Variants in MDGA2 observed in about 807,000 individuals in gnomAD.
MDGA2 encodes MAM domain-containing glycosylphosphatidylinositol anchor protein 2.
MDGA2 carries 40 observed loss-of-function variants against 117.8 expected under a neutral mutation model. The observed-to-expected ratio is 0.34, with a 90% CI of 0.26 to 0.44. MDGA2 has a LOEUF of 0.44. MDGA2 is among the 20% of genes least tolerant of loss of function. The pLI, the probability that MDGA2 is intolerant of heterozygous loss-of-function variation, is 1.00. For synonymous variants in MDGA2, 452 were observed against 439.0 expected (o/e 1.03, Z -0.37); for missense variants, 1,123 against 1,250.6 (o/e 0.90, Z 1.54).
At chr14:46,898,157 G>A (rs1262888740) in intron 10 of MDGA2, among the ~76,000 whole-genome samples, 2 of 152,014 alleles carry the variant, frequency 1.3e-5, no homozygotes, top group East Asian at 1.9e-4. Flanking sequence ...AATATATAAA[G>A]GGTCTGTATA....
At chr14:47,104,720 A>G (rs917761268) in intron 5 of MDGA2, among the ~76,000 whole-genome samples, 2 of 152,104 alleles carry the variant, frequency 1.3e-5, no homozygotes, top group Non-Finnish European at 1.5e-5. Flanking sequence ...CCCTTGGGAG[A>G]TCAATCCCCT....
In MDGA2 at chr14:47,370,643, T is replaced by A. The variant is rs145795236; in HGVS notation, c.281-69093A>T. On this transcript the variant is annotated intron_variant, in intron 1 of 16. Coordinates refer to ENST00000399232, the MANE Select transcript of MDGA2 (RefSeq NM_001113498.3). ...TATTGAAATAGTTTTGTTTATATTGTATATAATTCAAATTCATTAAACTTC... is the reference window on the plus strand; with the variant it reads ...TATTGAAATAGTTTTGTTTATATTGAATATAATTCAAATTCATTAAACTTC... Among the ~76,000 whole-genome samples, 6 of 151,382 alleles carry A rather than the reference T, an allele frequency of 4.0e-5. No homozygotes were observed. In the East Asian group the frequency reaches 1.2e-3, roughly 29 times the overall value.
intron 1 of MDGA2, among the ~76,000 whole-genome samples, chr14:47,365,848 G>A (rs755431841): frequency 3.9e-5 from 6 of 152,128 alleles, no homozygotes; most frequent in Non-Finnish European, 5.9e-5. Context: ...ATGGCAACAT[G>A]TCCTCATTTA....
At chr14:47,140,024 C>T (rs1882651746) in intron 4 of MDGA2, among the ~76,000 whole-genome samples, 1 of 151,368 alleles carries the variant, frequency 6.6e-6, no homozygotes, top group African/African-American at 2.4e-5. Flanking sequence ...GACATCATAT[C>T]AGCTTTTCAT....
Position 47,296,900 on chromosome 14 carries a change from C to G in MDGA2, c.420+4511G>C, listed in dbSNP as rs114742163. On this transcript the variant is annotated intron_variant, in intron 2 of 16. Transcript: ENST00000399232. The stretch of plus-strand genomic sequence containing the variant: ...AAACTCAGTGCACCCATACAAAGAA[C>G]TATTCAGCCTGAGTGAAGACAATGA... 1.0e-3 allele frequency among the ~76,000 whole-genome samples: 153 copies of G among 152,304 alleles called. 1 individual carries two copies. Among genetic ancestry groups the G allele is most frequent in the African/African-American group, 3.6e-3 (148 of 41,570 alleles).
intron 3 of MDGA2, among the ~76,000 whole-genome samples, chr14:47,154,420 G>A (rs1039805833): frequency 2.0e-5 from 3 of 152,124 alleles, no homozygotes; most frequent in African/African-American, 7.2e-5. Flanking sequence ...CTTCCAAGTT[G>A]GTGGGGTGGG....
Position 47,530,889 on chromosome 14 carries a change from T to G in MDGA2, c.280+143628A>C, listed in dbSNP as rs117025978. Among the ~76,000 whole-genome samples, 77 of 152,312 alleles carry G rather than the reference T, an allele frequency of 5.1e-4. No homozygotes were observed. The East Asian group carries it at 0.011, about 22-fold the overall frequency. On this transcript the variant is annotated intron_variant, in intron 1 of 16. Transcript: ENST00000399232. ...TTTCTAGTGTTCACCTTACCTAAAT[T>G]ATAAGTAAATTAAGTTCATGTAATC... is the stretch of plus-strand genomic sequence containing the variant.
chr14:47,498,082 A>G (rs1242831994), intron 1 of MDGA2, among the ~76,000 whole-genome samples: 1 of 152,162 alleles, frequency 6.6e-6, no homozygotes, highest in Non-Finnish European at 1.5e-5. Flanking sequence ...TATTTTGGGT[A>G]CTTTTTCTGA....
At chr14:47,180,721 G>C (rs1385722209) in intron 3 of MDGA2, among the ~76,000 whole-genome samples, 1 of 152,014 alleles carries the variant, frequency 6.6e-6, no homozygotes, top group Non-Finnish European at 1.5e-5. Flanking sequence ...AAGAATTCGA[G>C]ACCACCCTGG....
intron 10 of MDGA2, among the ~76,000 whole-genome samples, chr14:46,918,897 G>C (rs1322900401): frequency 6.6e-6 from 1 of 151,806 alleles, no homozygotes; most frequent in Non-Finnish European, 1.5e-5. Context: ...GAGTAGCTGG[G>C]ACTACAGGCG....
intron 5 of MDGA2, among the ~76,000 whole-genome samples, chr14:47,107,548 C>T (rs1441398828): frequency 6.6e-6 from 1 of 151,972 alleles, no homozygotes; most frequent in Admixed American, 6.6e-5. Flanking sequence ...TGTACTGCCG[C>T]AAAGCTTCAC....
At chr14:47,380,001 A>G (rs561618482) in intron 1 of MDGA2, among the ~76,000 whole-genome samples, 4 of 152,314 alleles carry the variant, frequency 2.6e-5, no homozygotes, top group Non-Finnish European at 4.4e-5. Context: ...ATGTAAAAGA[A>G]CAGAAATTAT....
intron 10 of MDGA2, among the ~76,000 whole-genome samples, chr14:46,886,898 C>T (rs982044467): frequency 6.6e-6 from 1 of 151,952 alleles, no homozygotes; most frequent in Non-Finnish European, 1.5e-5. Flanking sequence ...TAGTGGTTCT[C>T]ATATTTCTGC....
In MDGA2 at chr14:46,873,981, C is replaced by A. The variant is rs1882123006; in HGVS notation, c.2593+64G>T. 21 of 1,246,412 alleles carry A rather than the reference C, an allele frequency of 1.7e-5. No homozygotes were observed. In the South Asian group the frequency reaches 3.1e-4, roughly 18 times the overall value. The allele number at this position is 1,246,412 out of a possible 1,614,324, so 77.2% of individuals were successfully genotyped here. A position where few individuals can be genotyped will look rare whatever the true frequency, so the allele number is the denominator to read the frequency against. ...AATATATGGCTAAATATTAGTATTT[C>A]ATATTTATAGCAGTTTTTAAAAGTC... On this transcript the variant is annotated intron_variant, in intron 13 of 16. Transcript: ENST00000399232.
At chr14:47,526,834 C>G (rs1427703902) in intron 1 of MDGA2, among the ~76,000 whole-genome samples, 1 of 152,116 alleles carries the variant, frequency 6.6e-6, no homozygotes, top group African/African-American at 2.4e-5. Flanking sequence ...CTTCTCTTTG[C>G]TGAAAATAGA....
intron 2 of MDGA2, among the ~76,000 whole-genome samples, chr14:47,296,524 A>G (rs72682175): frequency 0.091 from 13,832 of 152,248 alleles, 755 homozygotes; most frequent in Non-Finnish European, 0.11. Context: ...CAAGTGACTG[A>G]TAAACATGTG....
At chr14:47,355,096 G>A (rs1029786814) in intron 1 of MDGA2, among the ~76,000 whole-genome samples, 2 of 152,168 alleles carry the variant, frequency 1.3e-5, no homozygotes, top group Non-Finnish European at 2.9e-5. Flanking sequence ...AGCACAGTTG[G>A]AGTTTGTGGG....
At chr14:47,508,122 G>A (rs541289832) in intron 1 of MDGA2, among the ~76,000 whole-genome samples, 144 of 152,276 alleles carry the variant, frequency 9.5e-4, no homozygotes, top group Admixed American at 2.4e-3. Flanking sequence ...CCAACATAAG[G>A]ATAGCTACTT....
At chr14:47,623,087 T>G (rs1194197221) in intron 1 of MDGA2, among the ~76,000 whole-genome samples, 2 of 152,146 alleles carry the variant, frequency 1.3e-5, no homozygotes. Flanking sequence ...CCTTCATGAA[T>G]GGATTAATGC....
Sources: allele counts gnomAD v4.1 joint callset (sites outside exome capture counted in the v4.1 genomes callset), GRCh38; gene constraint gnomAD v4.1.1; transcripts MANE v1.5; gene names NCBI Gene and HGNC (gene_info 2026-07-23, HGNC 2026-07-21).